ARHGAP44: variants seen among roughly 807,000 people sequenced by gnomAD.
ARHGAP44 encodes Rho GTPase activating protein 44.
ARHGAP44 carries 43 observed loss-of-function variants against 106.8 expected under a neutral mutation model. That is an observed-to-expected ratio of 0.40 (90% CI 0.32 to 0.52). ARHGAP44 has a LOEUF of 0.52. Among genes scored for constraint, ARHGAP44 ranks in the 20% least tolerant of loss-of-function variants. The probability of loss-of-function intolerance (pLI) is 0.48; values close to 1 mark genes in which losing one functional copy is unlikely to be tolerated. For synonymous variants in ARHGAP44, 439 were observed against 410.3 expected, an observed-to-expected ratio of 1.07 and a Z score of -0.85; for missense variants, 866 against 1,050.5, an observed-to-expected ratio of 0.82 and a Z score of 2.43.
At chr17:12,948,593 C>T (rs892400952) in intron 10 of ARHGAP44, among the ~76,000 whole-genome samples, 1 of 152,072 alleles carries the variant, frequency 6.6e-6, no homozygotes, top group African/African-American at 2.4e-5. Context: ...TTGCTTGAAC[C>T]CGGGAGGCAG....
At chr17:12,936,594 C>T (rs964141219) in intron 7 of ARHGAP44, among the ~76,000 whole-genome samples, 4 of 152,226 alleles carry the variant, frequency 2.6e-5, no homozygotes, top group Non-Finnish European at 5.9e-5. Flanking sequence ...CACTCGCCTA[C>T]TGAAGGACAT....
Position 12,789,585 on chromosome 17 carries a change from G to A in ARHGAP44, c.-254G>A. On this transcript the variant is annotated 5_prime_UTR_variant, in exon 1 of 21. Transcript: ENST00000379672. ...GCGGAGCGGGCCGGTGCCGAGGACG[G>A]CCCCAGGCATTGCTCTGCCCCGGGC... is the stretch of plus-strand genomic sequence containing the variant. 3.7e-6 allele frequency: 1 copy of A among 271,364 alleles called. No individual in the cohort carries two copies. The highest frequency in any genetic ancestry group is 6.9e-6 in the Non-Finnish European group (1 of 144,982). The allele number at this position is 271,364 out of a possible 1,614,324, so 16.8% of individuals were successfully genotyped here.
At chr17:12,907,623 A>T (rs2037593074) in intron 3 of ARHGAP44, among the ~76,000 whole-genome samples, 2 of 152,136 alleles carry the variant, frequency 1.3e-5, no homozygotes, top group Non-Finnish European at 2.9e-5. Flanking sequence ...TGTCTTCAAG[A>T]TTCATCTGTG....
At chr17:12,904,988 G>A (rs1365695047) in intron 3 of ARHGAP44, among the ~76,000 whole-genome samples, 1 of 151,968 alleles carries the variant, frequency 6.6e-6, no homozygotes, top group Non-Finnish European at 1.5e-5. Flanking sequence ...TGCAACCTCT[G>A]CCTCCCAGGT....
intron 1 of ARHGAP44, among the ~76,000 whole-genome samples, chr17:12,827,162 C>T (rs1208709544): frequency 1.3e-5 from 2 of 152,130 alleles, no homozygotes; most frequent in Non-Finnish European, 2.9e-5. Flanking sequence ...CCTTTATTCT[C>T]TTTTAGTGAC....
rs541110025 is a variant in ARHGAP44, at chr17:12,859,295, G to A, written c.54-35645G>A. 2.3e-4 allele frequency among the ~76,000 whole-genome samples: 35 copies of A among 152,332 alleles called. No homozygotes were observed. In the South Asian group the frequency reaches 7.0e-3, roughly 31 times the overall value. ...AGCCCTTGGAAGAACCAACCCTGCT[G>A]ACACCTTGAATGTAGACTTCTGGGC... is the stretch of plus-strand genomic sequence containing the variant. On this transcript the variant is annotated intron_variant, in intron 1 of 20. Coordinates refer to ENST00000379672, the MANE Select transcript of ARHGAP44 (RefSeq NM_014859.6).
intron 20 of ARHGAP44, chr17:12,987,062 T>G (rs1567727163): frequency 1.3e-6 from 2 of 1,509,934 alleles, no homozygotes; most frequent in African/African-American, 2.8e-5. Flanking sequence ...TTTGTCGTGT[T>G]GATTCCTTTC....
chr17:12,857,014 T>C (rs914726817), intron 1 of ARHGAP44, among the ~76,000 whole-genome samples: 1 of 152,184 alleles, frequency 6.6e-6, no homozygotes, highest in Non-Finnish European at 1.5e-5. Context: ...ATTTCTCTCT[T>C]CCCACCTCTT....
chr17:12,809,333 T>A (rs1479121364), intron 1 of ARHGAP44, among the ~76,000 whole-genome samples: 1 of 152,196 alleles, frequency 6.6e-6, no homozygotes, highest in East Asian at 1.9e-4. Context: ...ATTAATCTGT[T>A]CTCACACTGC....
At chr17:12,833,953 ATT>A (rs140967569) in intron 1 of ARHGAP44, among the ~76,000 whole-genome samples, 133 of 143,684 alleles carry the variant, frequency 9.3e-4, no homozygotes, top group Middle Eastern at 3.6e-3. Flanking sequence ...TAGATTGTGA[ATT>A]TTTTTTTTTT....
At chr17:12,823,735 C>T (rs187116494) in intron 1 of ARHGAP44, among the ~76,000 whole-genome samples, 472 of 152,278 alleles carry the variant, frequency 3.1e-3, no homozygotes, top group African/African-American at 0.01. Flanking sequence ...GATACTTCTC[C>T]TTAACTCCAT....
intron 4 of ARHGAP44, among the ~76,000 whole-genome samples, chr17:12,911,675 G>A (rs1346569545): frequency 2.0e-5 from 3 of 152,086 alleles, no homozygotes; most frequent in Non-Finnish European, 2.9e-5. Context: ...CCCGACTCCC[G>A]CCTGAGCAGA....
chr17:12,962,671 C>G (rs958701758), intron 16 of ARHGAP44, among the ~76,000 whole-genome samples: 1 of 152,144 alleles, frequency 6.6e-6, no homozygotes, highest in Non-Finnish European at 1.5e-5. Flanking sequence ...TGCCAACAGC[C>G]ACCAGAAGCT....
At chr17:12,831,614 A>C (rs544754506) in intron 1 of ARHGAP44, among the ~76,000 whole-genome samples, 3 of 151,944 alleles carry the variant, frequency 2.0e-5, no homozygotes, top group Non-Finnish European at 4.4e-5. Flanking sequence ...TCAGGATTCA[A>C]CCCTCCCATC....
intron 3 of ARHGAP44, among the ~76,000 whole-genome samples, chr17:12,897,953 T>C (rs1432511185): frequency 6.6e-6 from 1 of 152,056 alleles, no homozygotes; most frequent in African/African-American, 2.4e-5. Context: ...AAGGATACAT[T>C]TGGATCCTTG....
intron 3 of ARHGAP44, among the ~76,000 whole-genome samples, chr17:12,906,751 A>G (rs1362994096): frequency 6.6e-6 from 1 of 152,072 alleles, no homozygotes; most frequent in East Asian, 1.9e-4. Flanking sequence ...CTTGGGAAAC[A>G]TAGTGAGACA....
chr17:12,966,357 C>G (rs1465955887), intron 16 of ARHGAP44, among the ~76,000 whole-genome samples: 1 of 152,138 alleles, frequency 6.6e-6, no homozygotes, highest in East Asian at 1.9e-4. Flanking sequence ...TCAGCCTCCT[C>G]CCCTGGACTT....
At chr17:12,938,290 G>A (rs1598086090) in intron 7 of ARHGAP44, among the ~76,000 whole-genome samples, 2 of 152,158 alleles carry the variant, frequency 1.3e-5, no homozygotes, top group Admixed American at 1.3e-4. Context: ...TAATACTGTA[G>A]TAAGTAGATA....
At chr17:12,880,598 T>C (rs987806265) in intron 1 of ARHGAP44, among the ~76,000 whole-genome samples, 1 of 152,124 alleles carries the variant, frequency 6.6e-6, no homozygotes, top group African/African-American at 2.4e-5. Context: ...CCATATAATA[T>C]GACATTATGT....
Sources: allele counts gnomAD v4.1 joint callset (sites outside exome capture counted in the v4.1 genomes callset), GRCh38; gene constraint gnomAD v4.1.1; transcripts MANE v1.5; gene names NCBI Gene and HGNC (gene_info 2026-07-23, HGNC 2026-07-21).